The following MMP16 variants were observed in gnomAD, a reference collection of about 807,000 sequenced individuals.
The protein encoded by MMP16 is matrix metalloproteinase-16.
MMP16 carries 12 observed loss-of-function variants against 67.8 expected under a neutral mutation model. The observed-to-expected ratio is 0.18, with a 90% CI of 0.11 to 0.29. The LOEUF (loss-of-function observed/expected upper bound fraction) is 0.29. Ranked by LOEUF, MMP16 falls within the 10% of genes least tolerant of loss-of-function variation. The pLI is 1.00. For missense variants in MMP16, 475 were observed against 765.7 expected (o/e 0.62, Z 4.48); for synonymous variants, 249 against 255.9 (o/e 0.97, Z 0.26).
intron 6 of MMP16, among the ~76,000 whole-genome samples, chr8:88,090,571 C>T (rs1356659277): frequency 6.6e-6 from 1 of 151,810 alleles, no homozygotes; most frequent in Non-Finnish European, 1.5e-5. Flanking sequence ...CCTGGTCCAT[C>T]AAGTTCATCT....
chr8:88,285,724 A>G (rs1281162859), intron 1 of MMP16, among the ~76,000 whole-genome samples: 2 of 152,184 alleles, frequency 1.3e-5, no homozygotes, highest in African/African-American at 2.4e-5. Context: ...TTAAAAATTA[A>G]TGTTGCAGTA....
In MMP16 at chr8:88,035,067, T is replaced by C. The variant is rs1808036999; in HGVS notation, c.*6394A>G. On this transcript the variant is annotated 3_prime_UTR_variant, in exon 10 of 10. Coordinates refer to ENST00000286614, the MANE Select transcript of MMP16 (RefSeq NM_005941.5). This position sits in a 1 kb window ranked among gnomAD's most constrained non-coding sequence, Gnocchi z 4.7. The stretch of plus-strand genomic sequence containing the variant: ...TATTTTTTTCATGTATAAAAACAAG[T>C]GGAAAAAATTCCCAAGAAACATCTC... 6.6e-6 allele frequency: 1 copy of C among 152,050 alleles called. No homozygotes were observed. Among genetic ancestry groups the C allele is most frequent in the African/African-American group, 2.4e-5 (1 of 41,428 alleles). 9.4% of individuals were successfully genotyped at this position (152,050 alleles called of 1,614,324 possible).
intron 7 of MMP16, chr8:88,069,276 A>T (rs895891294): frequency 3.0e-6 from 1 of 338,112 alleles, no homozygotes; most frequent in Non-Finnish European, 5.8e-6. Flanking sequence ...GGTCATGCAC[A>T]TTTTTTTGCA....
chr8:88,321,365 C>T (rs1811457514), intron 1 of MMP16, among the ~76,000 whole-genome samples: 1 of 152,082 alleles, frequency 6.6e-6, no homozygotes, highest in Admixed American at 6.6e-5. Flanking sequence ...TGAACTTATT[C>T]CAACTTGCCT....
intron 1 of MMP16, among the ~76,000 whole-genome samples, chr8:88,241,593 A>G (rs888974869): frequency 6.6e-6 from 1 of 152,116 alleles, no homozygotes; most frequent in African/African-American, 2.4e-5. Flanking sequence ...GGTATAAATG[A>G]TATATTTATG....
intron 4 of MMP16, among the ~76,000 whole-genome samples, chr8:88,127,940 A>T (rs1807961584): frequency 6.6e-6 from 1 of 151,840 alleles, no homozygotes; most frequent in Non-Finnish European, 1.5e-5. Context: ...AACACCACTG[A>T]TACGAAGCTG....
At chr8:88,154,569 G>A (rs1485140547) in intron 4 of MMP16, among the ~76,000 whole-genome samples, 2 of 151,566 alleles carry the variant, frequency 1.3e-5, no homozygotes, top group Admixed American at 6.6e-5. Flanking sequence ...CCTTTGTAGG[G>A]ACATGGATGA....
Position 88,116,706 on chromosome 8 carries a change from T to C in MMP16, c.884A>G (p.Lys295Arg), listed in dbSNP as rs1809443034. ...GIQKIYGPPD[K>R]IPPPTRPLPT... is the part of the protein sequence containing the mutation. The stretch of plus-strand genomic sequence containing the variant: ...TAGAGGTCTTGTAGGTGGAGGAATC[T>C]TGTCAGGTGGACCTTTTGAAAATAT... The change falls in exon 6 of 10, where the codon AAG (lysine) becomes AGG (arginine). Residue 295 changes from lysine to arginine, a missense_variant. By Grantham distance (26) the Lys-to-Arg change is conservative. This residue lies in a region of MMP16 where 195 missense variants were observed against 300.9 expected (regional missense o/e 0.65). Coordinates refer to ENST00000286614, the MANE Select transcript of MMP16 (RefSeq NM_005941.5). The C allele has an allele frequency of 1.9e-6, 3 of 1,613,402 alleles. No individual in the cohort carries two copies. The highest frequency in any genetic ancestry group is 2.5e-6 in the Non-Finnish European group (3 of 1,179,656).
Position 88,074,722 on chromosome 8 carries a change from T to C in MMP16, c.1105A>G (p.Arg369Gly), listed in dbSNP as rs1488990440. The change falls in exon 7 of 10, where the codon AGA (arginine) becomes GGA (glycine). Residue 369 changes from arginine (R) to glycine (G), a missense_variant. Arg to Gly is a moderately radical substitution (Grantham distance 125). Coordinates refer to ENST00000286614, the MANE Select transcript of MMP16 (RefSeq NM_005941.5). ...VFKDQWFWRV[R>G]NNRVMDGYPM... ...TATCCATCCATCACCCTGTTGTTTC[T>C]CACTCGCCAAAACCACTGGTCCTGC... The C allele has an allele frequency of 6.2e-7, 1 of 1,612,948 alleles. No homozygotes were observed. Among genetic ancestry groups the C allele is most frequent in the Non-Finnish European group, 8.5e-7 (1 of 1,179,364 alleles).
intron 1 of MMP16, among the ~76,000 whole-genome samples, chr8:88,268,065 G>A (rs1035530895): frequency 6.6e-6 from 1 of 152,200 alleles, no homozygotes; most frequent in Non-Finnish European, 1.5e-5. Context: ...TTCCTAGGCC[G>A]GGAGCGGTGG....
At chr8:88,049,978 T>C (rs1178476995) in intron 8 of MMP16, among the ~76,000 whole-genome samples, 1 of 152,124 alleles carries the variant, frequency 6.6e-6, no homozygotes, top group Non-Finnish European at 1.5e-5. Context: ...TGAGCTGTGA[T>C]TGTGCCACTG....
At chr8:88,277,713 A>G (rs1002495570) in intron 1 of MMP16, among the ~76,000 whole-genome samples, 1 of 152,190 alleles carries the variant, frequency 6.6e-6, no homozygotes, top group South Asian at 2.1e-4. Flanking sequence ...ACAAGGAATG[A>G]ATTTTTGATC....
At chr8:88,269,718 C>T (rs1048945814) in intron 1 of MMP16, among the ~76,000 whole-genome samples, 3 of 152,174 alleles carry the variant, frequency 2.0e-5, no homozygotes, top group East Asian at 3.9e-4. Context: ...AGATCCTGAT[C>T]CAGCTCTTGG....
chr8:88,041,609 G>A lies in MMP16; in HGVS notation c.1676C>T (p.Ala559Val). Reference sequence around the variant, plus strand: ...AATAGCTATGGCTTTCACAGTGCTGGCTGTGTTGTCCAGTTTGATGACAAT... The same window carrying A: ...AATAGCTATGGCTTTCACAGTGCTGACTGTGTTGTCCAGTTTGATGACAAT... Reference protein sequence around the residue: ...VDIVIKLDNTASTVKAIAIVI... With the variant: ...VDIVIKLDNTVSTVKAIAIVI... The change falls in exon 10 of 10, where the codon GCC (alanine) becomes GTC (valine). Residue 559 changes from alanine to valine, a missense_variant. Coordinates refer to ENST00000286614, the MANE Select transcript of MMP16 (RefSeq NM_005941.5). The surrounding 1 kb of genome is among the most constrained non-coding windows in gnomAD (Gnocchi z 6.0). The A allele has an allele frequency of 6.2e-7, 1 of 1,614,166 alleles. No homozygotes were observed. Among genetic ancestry groups the A allele is most frequent in the South Asian group, 1.1e-5 (1 of 91,090 alleles).
chr8:88,062,286 ACCCAGCCAT>A (rs1156990754), intron 7 of MMP16, among the ~76,000 whole-genome samples: 1 of 152,056 alleles, frequency 6.6e-6, no homozygotes, highest in Non-Finnish European at 1.5e-5. Context: ...ATACCATTTG[ACCCAGCCAT>A]CCCATTATTG....
In MMP16 at chr8:88,032,055, A is replaced by G. The variant is rs78596047; in HGVS notation, c.*9406T>C. The stretch of plus-strand genomic sequence containing the variant: ...ATTGACAGTTTCTTTTAATTACAAC[A>G]CAATGAATTGATGGTAAATACAGAA... On this transcript the variant is annotated 3_prime_UTR_variant, in exon 10 of 10. Transcript: ENST00000286614. 1.3e-5 allele frequency: 2 copies of G among 152,318 alleles called. No homozygotes were observed. The highest frequency in any genetic ancestry group is 2.4e-5 in the African/African-American group (1 of 41,578). The allele number at this position is 152,318 out of a possible 1,614,324, so 9.4% of individuals were successfully genotyped here.
chr8:88,254,154 T>C (rs1479736653), intron 1 of MMP16, among the ~76,000 whole-genome samples: 2 of 152,222 alleles, frequency 1.3e-5, no homozygotes, highest in South Asian at 2.1e-4. Flanking sequence ...GATCATGTCC[T>C]TTGCAGGGAC....
At chr8:88,271,324 G>T (rs1022725942) in intron 1 of MMP16, among the ~76,000 whole-genome samples, 8 of 152,272 alleles carry the variant, frequency 5.3e-5, no homozygotes, top group Non-Finnish European at 1.0e-4. Flanking sequence ...CCATAACTTG[G>T]ATTATGAAAG....
intron 6 of MMP16, among the ~76,000 whole-genome samples, chr8:88,105,384 G>T (rs1809220226): frequency 6.6e-6 from 1 of 151,448 alleles, no homozygotes; most frequent in African/African-American, 2.4e-5. Flanking sequence ...CCTGTTTGTT[G>T]TAACGCATAG....
Sources: gnomAD v4.1 joint callset for allele counts (sites outside exome capture counted in the v4.1 genomes callset) on GRCh38, gnomAD v4.1.1 for gene constraint, gnomAD v4.1.1 regional missense constraint, Gnocchi (gnomAD v3.1) non-coding constraint, MANE v1.5 for transcripts, NCBI Gene and HGNC (gene_info 2026-07-23, HGNC 2026-07-21) for gene names.